Variants in LARS2 observed in about 807,000 individuals in gnomAD.
LARS2 encodes the protein leucine--tRNA ligase, mitochondrial.
LARS2 carries 81 observed loss-of-function variants against 116.6 expected under a neutral mutation model. The observed-to-expected ratio is 0.69, with a 90% CI of 0.58 to 0.84. The LOEUF (loss-of-function observed/expected upper bound fraction) is 0.84, where lower values mean the gene tolerates loss of function less well. Among genes scored for constraint, LARS2 ranks in the 40% least tolerant of loss-of-function variants. LARS2 has a pLI of 0.00. For synonymous variants in LARS2, 396 were observed against 407.2 expected (o/e 0.97, Z 0.33); for missense variants, 968 against 1,114.5 (o/e 0.87, Z 1.87).
intron 15 of LARS2, among the ~76,000 whole-genome samples, chr3:45,503,391 ATCT>A (rs1463903762): frequency 1.4e-4 from 21 of 152,032 alleles, no homozygotes; most frequent in Admixed American, 5.9e-4. Flanking sequence ...CTTGTTTGAG[ATCT>A]TCTTCTAGAC....
chr3:45,510,130 AGGCCAGGAGCAGT>A lies in LARS2; in HGVS notation c.1761-3001_1761-2989del, dbSNP rs1231938587. On this transcript the variant is annotated intron_variant, in intron 15 of 21. Coordinates refer to ENST00000645846, the MANE Select transcript of LARS2 (RefSeq NM_015340.4). ...TGAGAGTGGCCTTTAAGGATTTTCAAGGCCAGGAGCAGTGGCTCATGCCTGTAATCCCAGCATT... is the reference window on the plus strand; with the variant it reads ...TGAGAGTGGCCTTTAAGGATTTTCAAGGCTCATGCCTGTAATCCCAGCATT... Among the ~76,000 whole-genome samples the A allele has an allele frequency of 7.2e-5, 11 of 152,006 alleles. No individual in the cohort carries two copies. In the South Asian group the frequency reaches 1.2e-3, roughly 17 times the overall value.
chr3:45,501,165 A>ATTTTTTTTTTTTTTTTTTTTTTTT (rs372402383), intron 15 of LARS2, among the ~76,000 whole-genome samples: 1 of 142,882 alleles, frequency 7.0e-6, no homozygotes, highest in South Asian at 2.4e-4. Context: ...TAAATATGGA[A>ATTTTTTTTTTTTTTTTTTTTTTTT]TTTTTATATA....
intron 15 of LARS2, chr3:45,509,492 T>G (rs898971514): frequency 1.3e-5 from 2 of 152,138 alleles, no homozygotes; most frequent in African/African-American, 4.8e-5. Context: ...CCAAATCACA[T>G]TTGGTACGTC....
At chr3:45,483,294 C>G (rs1021009045) in intron 10 of LARS2, among the ~76,000 whole-genome samples, 10 of 152,306 alleles carry the variant, frequency 6.6e-5, no homozygotes, top group Non-Finnish European at 1.3e-4. Context: ...ACCTCCCAGC[C>G]TCCTGGTAAC....
chr3:45,487,582 A>G (rs1486326222), intron 11 of LARS2, among the ~76,000 whole-genome samples: 2 of 152,180 alleles, frequency 1.3e-5, no homozygotes, highest in Non-Finnish European at 2.9e-5. Flanking sequence ...GGGGTTCTCA[A>G]CCAGGGGAGA....
At position 45,493,105 on chromosome 3, in the gene LARS2, C is replaced by CT. The variant is rs544848178; in HGVS notation, c.1523+1317dup. On this transcript the variant is annotated intron_variant, in intron 13 of 21. Coordinates refer to ENST00000645846, the MANE Select transcript of LARS2 (RefSeq NM_015340.4). The stretch of plus-strand genomic sequence containing the variant: ...TGTTGGGCAAGGCTCCCTGGATGAT[C>CT]TTTTTTTTTTTTGAGATGGAGTCTC... Among the ~76,000 whole-genome samples, 1,203 of 145,544 alleles carry CT rather than the reference C, an allele frequency of 8.3e-3. 16 individuals are homozygous for CT. The highest frequency in any genetic ancestry group is 0.07 in the South Asian group (323 of 4,596).
intron 3 of LARS2, among the ~76,000 whole-genome samples, chr3:45,395,155 G>A (rs953917236): frequency 2.6e-5 from 4 of 152,146 alleles, no homozygotes; most frequent in African/African-American, 9.7e-5. Flanking sequence ...TGGGCTCCTC[G>A]CTGGCTACAT....
chr3:45,447,449 G>T (rs187205911), intron 7 of LARS2, among the ~76,000 whole-genome samples: 5 of 152,216 alleles, frequency 3.3e-5, no homozygotes, highest in Admixed American at 3.3e-4. Flanking sequence ...GAAGTGAGTG[G>T]GTCACGACAG....
At chr3:45,434,869 C>T (rs1698774502) in intron 6 of LARS2, among the ~76,000 whole-genome samples, 1 of 152,194 alleles carries the variant, frequency 6.6e-6, no homozygotes, top group Non-Finnish European at 1.5e-5. Context: ...ACAAGCTCCC[C>T]ACTAGCCTTC....
chr3:45,547,737 T>C lies in LARS2; in HGVS notation c.*207T>C. The C allele has an allele frequency of 2.0e-6, 1 of 501,698 alleles. No homozygotes were observed. The highest frequency in any genetic ancestry group is 3.0e-5 in the South Asian group (1 of 33,586). 31.1% of individuals were successfully genotyped at this position (501,698 alleles called of 1,614,324 possible). The stretch of plus-strand genomic sequence containing the variant: ...GAAGGTGAGCTGGGCAAAGGAGAAA[T>C]ATGAGCTACTGAGGAGGGGGTTGGA... On this transcript the variant is annotated 3_prime_UTR_variant, in exon 22 of 22. Coordinates refer to ENST00000645846, the MANE Select transcript of LARS2 (RefSeq NM_015340.4).
intron 14 of LARS2, among the ~76,000 whole-genome samples, chr3:45,497,051 C>T (rs1285427340): frequency 2.0e-5 from 3 of 151,858 alleles, no homozygotes; most frequent in African/African-American, 4.8e-5. Context: ...AGGGTGAGAC[C>T]GCTAAGAAGC....
intron 20 of LARS2, among the ~76,000 whole-genome samples, chr3:45,534,401 C>T (rs1700668655): frequency 1.3e-5 from 2 of 152,146 alleles, no homozygotes; most frequent in African/African-American, 4.8e-5. Flanking sequence ...GTGATAGGGC[C>T]TTAATATTGT....
intron 3 of LARS2, 147 bp downstream of exon 3, chr3:45,394,834 T>G: frequency 3.2e-6 from 2 of 631,652 alleles, no homozygotes; most frequent in Non-Finnish European, 5.6e-6. Flanking sequence ...TTCTCTTATC[T>G]GAGATGGAGA....
chr3:45,393,663 A>G (rs1697994327), intron 2 of LARS2, among the ~76,000 whole-genome samples: 1 of 152,010 alleles, frequency 6.6e-6, no homozygotes, highest in Non-Finnish European at 1.5e-5. Flanking sequence ...GTGTGGGCCT[A>G]GTGGTAGTCA....
intron 4 of LARS2, among the ~76,000 whole-genome samples, chr3:45,408,068 A>C (rs1464164276): frequency 6.6e-6 from 1 of 152,214 alleles, no homozygotes; most frequent in Non-Finnish European, 1.5e-5. Flanking sequence ...TTTCTACATA[A>C]GGCCCCCCCG....
chr3:45,450,410 C>G (rs1385646083), intron 7 of LARS2, among the ~76,000 whole-genome samples: 2 of 152,072 alleles, frequency 1.3e-5, no homozygotes, highest in Admixed American at 6.5e-5. Flanking sequence ...CCTTCCTTTC[C>G]CAGCCCCAGC....
intron 8 of LARS2, among the ~76,000 whole-genome samples, 181 bp downstream of exon 8, chr3:45,459,067 A>G (rs1191262414): frequency 2.6e-5 from 4 of 152,182 alleles, no homozygotes; most frequent in East Asian, 1.9e-4. Flanking sequence ...ATGGGCTGGT[A>G]TCTTCAACTG....
chr3:45,419,642 C>A, intron 5 of LARS2, 27 bp from the exon 6 acceptor site: 10 of 1,598,310 alleles, frequency 6.3e-6, no homozygotes, highest in African/African-American at 1.3e-5. Context: ...TCTCTAAAAA[C>A]CAAACCTTTT....
At chr3:45,466,859 G>A (rs1699433693) in intron 8 of LARS2, among the ~76,000 whole-genome samples, 2 of 152,174 alleles carry the variant, frequency 1.3e-5, no homozygotes, top group Non-Finnish European at 2.9e-5. Flanking sequence ...TGGGATTACA[G>A]GCGCCTGCCA....
Sources: allele counts gnomAD v4.1 joint callset (sites outside exome capture counted in the v4.1 genomes callset), GRCh38; gene constraint gnomAD v4.1.1; transcripts MANE v1.5; gene names NCBI Gene and HGNC (gene_info 2026-07-23, HGNC 2026-07-21).